The following PRUNE2 variants were observed in gnomAD, a reference collection of about 807,000 sequenced individuals.
PRUNE2 encodes protein prune homolog 2.
In PRUNE2, 164 loss-of-function variants were observed where a neutral mutation model predicts 252.0. That is an observed-to-expected ratio of 0.65 (90% CI 0.57 to 0.74). The LOEUF (loss-of-function observed/expected upper bound fraction) is 0.74, where lower values mean the gene tolerates loss of function less well. Among genes scored for constraint, PRUNE2 ranks in the 30% least tolerant of loss-of-function variants. The pLI, the probability that PRUNE2 is intolerant of heterozygous loss-of-function variation, is 0.00. For synonymous variants in PRUNE2, 1,292 were observed against 1,350.2 expected, an observed-to-expected ratio of 0.96 and a Z score of 0.94; for missense variants, 3,495 against 3,711.0, an observed-to-expected ratio of 0.94 and a Z score of 1.51.
chr9:76,898,265 T>C (rs1159312961), intron 1 of PRUNE2, among the ~76,000 whole-genome samples: 1 of 152,178 alleles, frequency 6.6e-6, no homozygotes, highest in Admixed American at 6.5e-5. Context: ...CAGGATCTGA[T>C]TTAGGGCAGG....
At chr9:76,867,353 G>T (rs988761787) in intron 1 of PRUNE2, among the ~76,000 whole-genome samples, 1 of 151,992 alleles carries the variant, frequency 6.6e-6, no homozygotes, top group Non-Finnish European at 1.5e-5. Context: ...ATCAGACCAC[G>T]CAAAACGATC....
At chr9:76,724,739 T>G in intron 6 of PRUNE2, among the ~76,000 whole-genome samples, 1 of 152,184 alleles carries the variant, frequency 6.6e-6, no homozygotes, top group East Asian at 1.9e-4. Flanking sequence ...CCTCATTAAC[T>G]AACAGCCTAA....
intron 12 of PRUNE2, among the ~76,000 whole-genome samples, chr9:76,639,993 T>G (rs904753538): frequency 6.6e-6 from 1 of 152,236 alleles, no homozygotes; most frequent in Non-Finnish European, 1.5e-5. Flanking sequence ...CAGGTAACTA[T>G]ATGGAATGTC....
intron 1 of PRUNE2, chr9:76,862,217 G>C (rs541693469): frequency 6.6e-6 from 1 of 152,248 alleles, no homozygotes; most frequent in Non-Finnish European, 1.5e-5. Context: ...TCAGGAGTTC[G>C]AGACCAGCCT....
intron 17 of PRUNE2, 60 bp from the exon 18 acceptor site, chr9:76,619,447 G>T (rs1486626746): frequency 2.7e-5 from 33 of 1,206,604 alleles, no homozygotes; most frequent in Middle Eastern, 3.7e-4. Flanking sequence ...CACTGTGAAA[G>T]CACAACAGAT....
At chr9:76,810,927 C>G (rs2057314737) in intron 6 of PRUNE2, among the ~76,000 whole-genome samples, 1 of 152,142 alleles carries the variant, frequency 6.6e-6, no homozygotes, top group African/African-American at 2.4e-5. Context: ...CAGGTTGATA[C>G]AATGTAGTAA....
chr9:76,656,251 C>A (rs1201434549), intron 9 of PRUNE2, among the ~76,000 whole-genome samples: 2 of 152,072 alleles, frequency 1.3e-5, no homozygotes, highest in Non-Finnish European at 2.9e-5. Context: ...AGAAGCTGAC[C>A]ACTGTTCACG....
At chr9:76,727,370 GT>G (rs1250126634) in intron 6 of PRUNE2, among the ~76,000 whole-genome samples, 2 of 152,182 alleles carry the variant, frequency 1.3e-5, no homozygotes, top group African/African-American at 4.8e-5. Flanking sequence ...AACTAGAAAA[GT>G]AAATCAGGGA....
intron 15 of PRUNE2, among the ~76,000 whole-genome samples, chr9:76,630,637 G>A (rs1199527190): frequency 6.6e-6 from 1 of 152,172 alleles, no homozygotes; most frequent in Non-Finnish European, 1.5e-5. Flanking sequence ...CTATTCTCCT[G>A]CCTCAGCCTC....
At chr9:76,743,303 A>G (rs1319728447) in intron 6 of PRUNE2, among the ~76,000 whole-genome samples, 1 of 152,222 alleles carries the variant, frequency 6.6e-6, no homozygotes, top group Non-Finnish European at 1.5e-5. Context: ...ATAATCTGAC[A>G]CTATTAATAT....
chr9:76,867,703 G>A (rs1264909554), intron 1 of PRUNE2, among the ~76,000 whole-genome samples: 1 of 152,054 alleles, frequency 6.6e-6, no homozygotes, highest in African/African-American at 2.4e-5. Flanking sequence ...TGAGTAGCTG[G>A]GATTACAGGC....
At chr9:76,837,761 A>G (rs893605812) in intron 4 of PRUNE2, among the ~76,000 whole-genome samples, 1 of 145,508 alleles carries the variant, frequency 6.9e-6, no homozygotes, top group Non-Finnish European at 1.5e-5. Flanking sequence ...CCAAAGTTTC[A>G]AACCAAATAC....
rs1230050608 is a variant in PRUNE2, at chr9:76,773,505, G to A, written c.756+50127C>T. 2.1e-5 allele frequency among the ~76,000 whole-genome samples: 3 copies of A among 145,804 alleles called. No homozygotes were observed. In the Admixed American group the frequency reaches 2.1e-4, roughly 10 times the overall value. On this transcript the variant is annotated intron_variant, in intron 6 of 18. Coordinates refer to ENST00000376718, the MANE Select transcript of PRUNE2 (RefSeq NM_015225.3). Reference sequence around the variant, plus strand: ...GTCGCCCAGGCTGGAGTGCAGTGGTGCAATCTTGGCTCACTGTAACCTCCA... The same window carrying A: ...GTCGCCCAGGCTGGAGTGCAGTGGTACAATCTTGGCTCACTGTAACCTCCA...
intron 6 of PRUNE2, among the ~76,000 whole-genome samples, chr9:76,787,943 C>T (rs568685566): frequency 3.9e-5 from 6 of 152,310 alleles, no homozygotes; most frequent in South Asian, 2.1e-4. Flanking sequence ...CCATGGTCAC[C>T]AAGCGTTCCT....
Position 76,614,596 on chromosome 9 carries a change from CA to C in PRUNE2, c.9240del (p.Ile3080MetfsTer3). 1 of 1,610,748 alleles carries C rather than the reference CA, an allele frequency of 6.2e-7. No individual in the cohort carries two copies. On this transcript the variant is annotated frameshift_variant, in exon 19 of 19. Coordinates refer to ENST00000376718, the MANE Select transcript of PRUNE2 (RefSeq NM_015225.3). LOFTEE classifies it high-confidence loss of function. ...DPEMSSMEKD[I>X]DLKLKEKP Reference sequence around the variant, plus strand: ...TAAGGCTTTTCTTTCAGCTTCAAGTCAATACTGCAAAGAAAAGAAAAAGAGA... The same window carrying C: ...TAAGGCTTTTCTTTCAGCTTCAAGTCATACTGCAAAGAAAAGAAAAAGAGA...
chr9:76,868,605 AC>A (rs1203271412), intron 1 of PRUNE2, among the ~76,000 whole-genome samples: 1 of 152,126 alleles, frequency 6.6e-6, no homozygotes, highest in Non-Finnish European at 1.5e-5. Context: ...TGTCTCTAAG[AC>A]AAAGGACTTC....
intron 1 of PRUNE2, among the ~76,000 whole-genome samples, chr9:76,877,730 A>G (rs2061551174): frequency 6.6e-6 from 1 of 152,340 alleles, no homozygotes; most frequent in African/African-American, 2.4e-5. Context: ...CTGCCATTTG[A>G]AGAAGGAAAA....
At chr9:76,867,481 G>C (rs2060917273) in intron 1 of PRUNE2, among the ~76,000 whole-genome samples, 1 of 152,166 alleles carries the variant, frequency 6.6e-6, no homozygotes, top group Non-Finnish European at 1.5e-5. Context: ...GAGCTGTCAG[G>C]TTGATTCAGT....
chr9:76,697,860 T>C (rs151193306), intron 9 of PRUNE2, among the ~76,000 whole-genome samples: 329 of 152,280 alleles, frequency 2.2e-3, no homozygotes, highest in African/African-American at 7.3e-3. Context: ...CTATCTCAAG[T>C]GTCATTTGGG....
Sources: gnomAD v4.1 joint callset for allele counts (sites outside exome capture counted in the v4.1 genomes callset) on GRCh38, gnomAD v4.1.1 for gene constraint, MANE v1.5 for transcripts, NCBI Gene and HGNC (gene_info 2026-07-23, HGNC 2026-07-21) for gene names.